The following ROBO2 variants were observed in gnomAD, a reference collection of about 807,000 sequenced individuals.
The protein encoded by ROBO2 is roundabout guidance receptor 2.
ROBO2 carries 53 observed loss-of-function variants against 160.8 expected under a neutral mutation model. The observed-to-expected ratio is 0.33, with a 90% CI of 0.26 to 0.41. The LOEUF (loss-of-function observed/expected upper bound fraction) is 0.41. Among genes scored for constraint, ROBO2 ranks in the 10% least tolerant of loss-of-function variants. The pLI is 1.00. For synonymous variants in ROBO2, 664 were observed against 611.7 expected, an observed-to-expected ratio of 1.09 and a Z score of -1.26; for missense variants, 1,577 against 1,722.4, an observed-to-expected ratio of 0.92 and a Z score of 1.49.
intron 2 of ROBO2, among the ~76,000 whole-genome samples, chr3:76,050,535 C>G (rs550723970): frequency 2.4e-4 from 37 of 152,216 alleles, no homozygotes; most frequent in African/African-American, 8.7e-4. Flanking sequence ...TCCTATTAGT[C>G]CTGTCCCTCT....
At chr3:77,127,064 C>CA (rs140123781) in intron 2 of ROBO2, among the ~76,000 whole-genome samples, 6,505 of 152,008 alleles carry the variant, frequency 0.043, 470 homozygotes, top group African/African-American at 0.15. Context: ...GCTGGGATTA[C>CA]AGGTGTGAGC....
exon 9 of ROBO2, chr3:77,558,091 G>T: frequency 6.2e-7 from 1 of 1,613,108 alleles, no homozygotes; most frequent in Non-Finnish European, 8.5e-7. Context: ...ACTTTTCCGG[G>T]TAGAGATCCA....
intron 2 of ROBO2, among the ~76,000 whole-genome samples, chr3:77,262,451 G>A (rs1340968782): frequency 6.6e-6 from 1 of 152,152 alleles, no homozygotes; most frequent in African/African-American, 2.4e-5. Context: ...GCTGATAGGT[G>A]TACTGGGAGT....
At chr3:76,741,683 G>T (rs562171911) in intron 2 of ROBO2, among the ~76,000 whole-genome samples, 59 of 142,192 alleles carry the variant, frequency 4.1e-4, no homozygotes, top group Middle Eastern at 3.6e-3. Context: ...TTATTTATAA[G>T]AATACAAACT....
At chr3:76,492,542 G>A (rs1319856381) in intron 2 of ROBO2, among the ~76,000 whole-genome samples, 1 of 138,532 alleles carries the variant, frequency 7.2e-6, no homozygotes, top group African/African-American at 2.9e-5. Flanking sequence ...TTGACATTTA[G>A]TTTTCAAAAG....
chr3:76,011,173 T>C (rs1218913136), intron 2 of ROBO2, among the ~76,000 whole-genome samples: 5 of 152,196 alleles, frequency 3.3e-5, no homozygotes, highest in African/African-American at 1.2e-4. Flanking sequence ...TGCTATCATC[T>C]GTGTGCCTTC....
At chr3:76,801,942 GGAGA>G (rs923765781) in intron 2 of ROBO2, among the ~76,000 whole-genome samples, 1 of 152,036 alleles carries the variant, frequency 6.6e-6, no homozygotes, top group Non-Finnish European at 1.5e-5. Flanking sequence ...GGAGGTCTGA[GGAGA>G]GAGAGAGATG....
chr3:76,724,931 A>C, intron 2 of ROBO2, among the ~76,000 whole-genome samples: 2 of 152,190 alleles, frequency 1.3e-5, no homozygotes, highest in African/African-American at 4.8e-5. Flanking sequence ...AGGGTGGAGT[A>C]ATTTGGCTGC....
chr3:76,752,182 G>A (rs981362446), intron 2 of ROBO2, among the ~76,000 whole-genome samples: 44 of 151,172 alleles, frequency 2.9e-4, no homozygotes, highest in African/African-American at 1.0e-3. Context: ...CTGAACTATC[G>A]CAAGGACAGA....
chr3:76,028,573 A>G lies in ROBO2; in HGVS notation c.109+90971A>G, dbSNP rs1380329183. On this transcript the variant is annotated intron_variant, in intron 2 of 26. Transcript: ENST00000487694. ...GTTAAACAGACATTGAAAATCTCCA[A>G]AGAACTAGGGCATGCATTAAAGAAA... 3.9e-5 allele frequency among the ~76,000 whole-genome samples: 6 copies of G among 152,106 alleles called. No individual in the cohort carries two copies. The East Asian group carries it at 1.2e-3, about 29-fold the overall frequency.
chr3:77,448,304 G>T (rs1432231359), intron 2 of ROBO2, among the ~76,000 whole-genome samples: 1 of 152,086 alleles, frequency 6.6e-6, no homozygotes, highest in Non-Finnish European at 1.5e-5. Flanking sequence ...CAGCTGCCCA[G>T]CTATATAGCT....
intron 2 of ROBO2, among the ~76,000 whole-genome samples, chr3:76,344,393 G>A (rs917814914): frequency 2.6e-5 from 4 of 152,074 alleles, no homozygotes; most frequent in Admixed American, 1.3e-4. Context: ...ATTTCATGAA[G>A]ACTTTAAAGG....
At chr3:76,533,505 T>C (rs949967420) in intron 2 of ROBO2, among the ~76,000 whole-genome samples, 1 of 152,144 alleles carries the variant, frequency 6.6e-6, no homozygotes, top group Non-Finnish European at 1.5e-5. Context: ...TGAAAGATTA[T>C]AAAAATAGAA....
chr3:77,431,032 C>G (rs62249847), intron 2 of ROBO2, among the ~76,000 whole-genome samples: 11,979 of 152,230 alleles, frequency 0.079, 556 homozygotes, highest in African/African-American at 0.11. Context: ...GTAACTATTT[C>G]TCATCCTGAT....
intron 2 of ROBO2, among the ~76,000 whole-genome samples, chr3:76,025,192 T>C (rs2066701987): frequency 1.3e-5 from 2 of 151,612 alleles, no homozygotes; most frequent in Non-Finnish European, 1.5e-5. Context: ...TATTTAAATA[T>C]AGTCATAGCC....
At chr3:76,110,280 G>C (rs1422532956) in intron 2 of ROBO2, among the ~76,000 whole-genome samples, 5 of 151,904 alleles carry the variant, frequency 3.3e-5, no homozygotes, top group Admixed American at 3.3e-4. Flanking sequence ...AACCCTACCA[G>C]GTAAGTACTA....
At chr3:76,883,631 T>G (rs2073587123) in intron 2 of ROBO2, among the ~76,000 whole-genome samples, 1 of 152,196 alleles carries the variant, frequency 6.6e-6, no homozygotes, top group Non-Finnish European at 1.5e-5. Context: ...GTATTGTGAT[T>G]TATTTCATGC....
chr3:77,104,843 A>T (rs1390271999), intron 2 of ROBO2, among the ~76,000 whole-genome samples: 1 of 152,200 alleles, frequency 6.6e-6, no homozygotes, highest in Non-Finnish European at 1.5e-5. Flanking sequence ...ATTTAAAAAT[A>T]TAGAACAATT....
intron 2 of ROBO2, among the ~76,000 whole-genome samples, chr3:76,363,452 T>TC (rs756948089): frequency 6.6e-6 from 1 of 152,112 alleles, no homozygotes; most frequent in Non-Finnish European, 1.5e-5. Context: ...CTAAAGGATA[T>TC]CGTAACAGAA....
Sources: gnomAD v4.1 joint callset for allele counts (sites outside exome capture counted in the v4.1 genomes callset) on GRCh38, gnomAD v4.1.1 for gene constraint, MANE v1.5 for transcripts, NCBI Gene and HGNC (gene_info 2026-07-23, HGNC 2026-07-21) for gene names.